Variants in LRMDA observed in about 807,000 individuals in gnomAD.
LRMDA encodes the protein leucine rich melanocyte differentiation associated, also known as leucine-rich melanocyte differentiation-associated protein.
In LRMDA, 18 loss-of-function variants were observed where a neutral mutation model predicts 29.8. That is an observed-to-expected ratio of 0.60 (90% CI 0.42 to 0.90). The LOEUF (loss-of-function observed/expected upper bound fraction) is 0.90. Among genes scored for constraint, LRMDA ranks in the 40% least tolerant of loss-of-function variants. LRMDA has a pLI of 0.00. For missense variants in LRMDA, 273 were observed against 273.9 expected (o/e 1.00, Z 0.02); for synonymous variants, 125 against 109.4 (o/e 1.14, Z -0.89).
At chr10:76,197,768 A>C (rs1851355773) in intron 5 of LRMDA, among the ~76,000 whole-genome samples, 1 of 152,094 alleles carries the variant, frequency 6.6e-6, no homozygotes, top group Non-Finnish European at 1.5e-5. Flanking sequence ...AAAAATACAA[A>C]AATTAGCCGG....
intron 2 of LRMDA, among the ~76,000 whole-genome samples, chr10:75,586,821 GT>G (rs11390766): frequency 2.1e-4 from 31 of 148,250 alleles, no homozygotes; most frequent in African/African-American, 3.2e-4. Flanking sequence ...GGGTTATTAG[GT>G]TTTTTTTTTT....
At chr10:75,904,688 A>G (rs1213132467) in intron 2 of LRMDA, among the ~76,000 whole-genome samples, 1 of 152,172 alleles carries the variant, frequency 6.6e-6, no homozygotes, top group Non-Finnish European at 1.5e-5. Flanking sequence ...TTTCACACCA[A>G]GATTTTAATC....
intron 3 of LRMDA, among the ~76,000 whole-genome samples, chr10:76,037,775 C>T (rs1289856181): frequency 6.6e-6 from 1 of 152,328 alleles, no homozygotes; most frequent in East Asian, 1.9e-4. Flanking sequence ...TCCCAAAGGC[C>T]TCATCTCCAC....
chr10:76,210,329 A>T (rs1851613693), intron 5 of LRMDA, among the ~76,000 whole-genome samples: 1 of 152,196 alleles, frequency 6.6e-6, no homozygotes, highest in Non-Finnish European at 1.5e-5. Flanking sequence ...TTCGAATTAA[A>T]AGTAGGAATG....
intron 2 of LRMDA, among the ~76,000 whole-genome samples, chr10:75,727,211 C>T (rs1315046609): frequency 6.6e-6 from 1 of 152,122 alleles, no homozygotes; most frequent in African/African-American, 2.4e-5. Flanking sequence ...TGCGGTGATG[C>T]TGTGTGCATG....
chr10:75,859,645 A>ACACACACG (rs1244104792), intron 2 of LRMDA, among the ~76,000 whole-genome samples: 1 of 130,184 alleles, frequency 7.7e-6, no homozygotes. Context: ...ACACACACAC[A>ACACACACG]CATACATCTG....
chr10:75,778,683 T>G (rs1429482393), intron 2 of LRMDA, among the ~76,000 whole-genome samples: 1 of 152,288 alleles, frequency 6.6e-6, no homozygotes, highest in African/African-American at 2.4e-5. Flanking sequence ...TGAACTCTCA[T>G]GAAATATTTA....
chr10:76,054,931 G>A (rs969985262), intron 4 of LRMDA, among the ~76,000 whole-genome samples: 2 of 151,466 alleles, frequency 1.3e-5, no homozygotes, highest in Non-Finnish European at 2.9e-5. Context: ...AGGAGTAGTG[G>A]CACACACATG....
At chr10:76,103,864 G>A (rs1849436293) in intron 5 of LRMDA, among the ~76,000 whole-genome samples, 1 of 151,878 alleles carries the variant, frequency 6.6e-6, no homozygotes, top group Admixed American at 6.6e-5. Flanking sequence ...GCCTGGCCAA[G>A]ATGATGAAAC....
chr10:76,537,094 G>A (rs1564569947), intron 6 of LRMDA, among the ~76,000 whole-genome samples: 1 of 151,898 alleles, frequency 6.6e-6, no homozygotes, highest in African/African-American at 2.4e-5. Context: ...CATTATTTCC[G>A]ATATTCAAAT....
intron 2 of LRMDA, among the ~76,000 whole-genome samples, chr10:75,810,627 A>T (rs1409961920): frequency 6.6e-6 from 1 of 152,222 alleles, no homozygotes; most frequent in East Asian, 1.9e-4. Context: ...TTGGTGGGAC[A>T]TCCCTTTACA....
chr10:75,810,785 A>ACCC (rs1843944849), intron 2 of LRMDA, among the ~76,000 whole-genome samples: 2 of 152,246 alleles, frequency 1.3e-5, no homozygotes, highest in African/African-American at 4.8e-5. Context: ...GAGGTGGACT[A>ACCC]TATGCATCTG....
chr10:75,766,080 GCTTCTGTA>G (rs1236767367), intron 2 of LRMDA, among the ~76,000 whole-genome samples: 1 of 152,186 alleles, frequency 6.6e-6, no homozygotes, highest in Non-Finnish European at 1.5e-5. Context: ...AGTGCTTCAG[GCTTCTGTA>G]CTGACCTTCG....
intron 2 of LRMDA, among the ~76,000 whole-genome samples, chr10:75,613,947 C>G (rs1179905451): frequency 6.6e-6 from 1 of 152,170 alleles, no homozygotes; most frequent in Non-Finnish European, 1.5e-5. Flanking sequence ...TATCAGTATG[C>G]TTTCTGCACC....
At chr10:76,230,568 AC>A (rs397697323) in intron 5 of LRMDA, among the ~76,000 whole-genome samples, 3 of 150,844 alleles carry the variant, frequency 2.0e-5, no homozygotes, top group African/African-American at 7.3e-5. Flanking sequence ...AAAAAAAAAA[AC>A]CCCAAAAATC....
intron 1 of LRMDA, among the ~76,000 whole-genome samples, chr10:75,432,546 C>CTAAA (rs1844212166): frequency 6.6e-6 from 1 of 152,254 alleles, no homozygotes; most frequent in Admixed American, 6.5e-5. Context: ...AGTTCTCTGT[C>CTAAA]TTTAACCTCT....
chr10:76,333,088 G>A (rs372448095), intron 6 of LRMDA, among the ~76,000 whole-genome samples: 1 of 152,300 alleles, frequency 6.6e-6, no homozygotes, highest in African/African-American at 2.4e-5. Context: ...AACATGTTAA[G>A]TGGAGAGCAA....
intron 2 of LRMDA, among the ~76,000 whole-genome samples, chr10:75,888,684 G>A (rs928807377): frequency 1.3e-5 from 2 of 152,140 alleles, no homozygotes; most frequent in African/African-American, 4.8e-5. Context: ...ACACCCACTT[G>A]ATTATTCTTA....
intron 2 of LRMDA, among the ~76,000 whole-genome samples, chr10:75,817,517 T>G (rs560549281): frequency 1.1e-4 from 16 of 152,306 alleles, no homozygotes; most frequent in African/African-American, 3.6e-4. Flanking sequence ...GTGCTAGAAG[T>G]GGTCAGAAAA....
Sources: gnomAD v4.1 joint callset for allele counts (sites outside exome capture counted in the v4.1 genomes callset) on GRCh38, gnomAD v4.1.1 for gene constraint, MANE v1.5 for transcripts, NCBI Gene and HGNC (gene_info 2026-07-23, HGNC 2026-07-21) for gene names.